DLGAP1: variants seen among roughly 807,000 people sequenced by gnomAD.
DLGAP1 encodes DLG associated protein 1, also known as disks large-associated protein 1.
In DLGAP1, 11 loss-of-function variants were observed where a neutral mutation model predicts 90.8. The ratio of observed to expected loss-of-function variants is 0.12; its 90% CI spans 0.08 to 0.20. The LOEUF is 0.20. Ranked by LOEUF, DLGAP1 falls within the 10% of genes least tolerant of loss-of-function variation. DLGAP1 has a pLI of 1.00. For missense variants in DLGAP1, 1,050 were observed against 1,333.8 expected, an observed-to-expected ratio of 0.79 and a Z score of 3.31; for synonymous variants, 558 against 540.7, an observed-to-expected ratio of 1.03 and a Z score of -0.44.
chr18:4,400,987 C>A (rs932681618), intron 1 of DLGAP1, among the ~76,000 whole-genome samples: 1 of 152,336 alleles, frequency 6.6e-6, no homozygotes, highest in South Asian at 2.1e-4. Context: ...CACAAGTCAA[C>A]TCTTCTCTTC....
intron 10 of DLGAP1, among the ~76,000 whole-genome samples, chr18:3,514,090 C>T (rs1276263205): frequency 6.7e-6 from 1 of 149,000 alleles, no homozygotes; most frequent in Non-Finnish European, 1.5e-5. Context: ...GGCAGACGTG[C>T]TCATTTCTCT....
intron 4 of DLGAP1, among the ~76,000 whole-genome samples, chr18:3,848,490 T>C (rs1256777246): frequency 2.0e-5 from 3 of 152,178 alleles, no homozygotes; most frequent in Non-Finnish European, 4.4e-5. Context: ...AGAACTCCCA[T>C]GTGAGAGTCA....
At chr18:3,740,521 A>ATT (rs780904914) in intron 6 of DLGAP1, among the ~76,000 whole-genome samples, 18 of 152,014 alleles carry the variant, frequency 1.2e-4, no homozygotes, top group East Asian at 3.9e-4. Context: ...GCAGTTCCTG[A>ATT]TTTTTTTCTT....
At chr18:4,001,684 T>C (rs7228506) in intron 3 of DLGAP1, among the ~76,000 whole-genome samples, 24,093 of 152,158 alleles carry the variant, frequency 0.16, 3,726 homozygotes, top group African/African-American at 0.4. Context: ...TCCTATCATC[T>C]ATTTCCTGCT....
At chr18:3,918,427 C>T (rs1306406869) in intron 3 of DLGAP1, among the ~76,000 whole-genome samples, 10 of 152,094 alleles carry the variant, frequency 6.6e-5, no homozygotes, top group South Asian at 2.1e-4. Flanking sequence ...CTGTGCTAGA[C>T]GTTTTCCAGG....
intron 5 of DLGAP1, among the ~76,000 whole-genome samples, chr18:3,744,442 G>A (rs190129587): frequency 3.0e-4 from 45 of 152,236 alleles, no homozygotes; most frequent in Admixed American, 1.9e-3. Flanking sequence ...AAGGCACTAA[G>A]TAAGTGCTAA....
intron 7 of DLGAP1, among the ~76,000 whole-genome samples, chr18:3,700,416 C>T (rs1340229003): frequency 1.3e-5 from 2 of 152,078 alleles, no homozygotes; most frequent in Admixed American, 6.5e-5. Context: ...TAAGGCAAAA[C>T]CCCACCCTGC....
At chr18:3,970,743 T>C (rs1290229036) in intron 3 of DLGAP1, among the ~76,000 whole-genome samples, 1 of 151,262 alleles carries the variant, frequency 6.6e-6, no homozygotes, top group Non-Finnish European at 1.5e-5. Context: ...CTAAATCATA[T>C]TAGAGATATC....
chr18:3,932,327 T>A (rs1292459737), intron 3 of DLGAP1, among the ~76,000 whole-genome samples: 1 of 152,140 alleles, frequency 6.6e-6, no homozygotes, highest in Admixed American at 6.5e-5. Flanking sequence ...AAAGTTCCCT[T>A]GAGCAATTTT....
intron 3 of DLGAP1, among the ~76,000 whole-genome samples, chr18:3,984,941 T>C (rs1212993460): frequency 6.6e-6 from 1 of 152,176 alleles, no homozygotes; most frequent in Non-Finnish European, 1.5e-5. Flanking sequence ...TATTGACCCA[T>C]CCCAACCATG....
chr18:3,663,579 A>G (rs2059764442), intron 7 of DLGAP1, among the ~76,000 whole-genome samples: 1 of 152,158 alleles, frequency 6.6e-6, no homozygotes, highest in African/African-American at 2.4e-5. Flanking sequence ...TATCTCTTGT[A>G]TAGGAACTGT....
At chr18:3,669,660 G>A (rs1031973982) in intron 7 of DLGAP1, among the ~76,000 whole-genome samples, 1 of 152,174 alleles carries the variant, frequency 6.6e-6, no homozygotes, top group African/African-American at 2.4e-5. Flanking sequence ...GCAGCGGGTG[G>A]CCCAACTCTA....
intron 1 of DLGAP1, among the ~76,000 whole-genome samples, chr18:4,350,498 T>G (rs2143970766): frequency 6.6e-6 from 1 of 152,256 alleles, no homozygotes. Flanking sequence ...ATTTCCAGAA[T>G]TTTTCATCTG....
At chr18:4,388,541 A>G (rs1331660876) in intron 1 of DLGAP1, among the ~76,000 whole-genome samples, 1 of 152,154 alleles carries the variant, frequency 6.6e-6, no homozygotes, top group Non-Finnish European at 1.5e-5. Flanking sequence ...GGACAATGGC[A>G]TTTAAGGAAT....
intron 1 of DLGAP1, among the ~76,000 whole-genome samples, chr18:4,168,466 G>A (rs944345088): frequency 2.3e-4 from 35 of 152,106 alleles, no homozygotes; most frequent in African/African-American, 7.5e-4. Context: ...CATTAAAAAT[G>A]TTGTACAGTC....
At chr18:3,913,564 A>T (rs914546989) in intron 3 of DLGAP1, among the ~76,000 whole-genome samples, 1 of 152,250 alleles carries the variant, frequency 6.6e-6, no homozygotes, top group Non-Finnish European at 1.5e-5. Flanking sequence ...CTAATACAAG[A>T]TCAGAGAGAA....
chr18:4,361,007 A>C (rs2081619526), intron 1 of DLGAP1, among the ~76,000 whole-genome samples: 1 of 152,192 alleles, frequency 6.6e-6, no homozygotes, highest in Admixed American at 6.5e-5. Context: ...AAAGAGTCAA[A>C]AGATGAGACA....
intron 3 of DLGAP1, among the ~76,000 whole-genome samples, chr18:3,959,115 C>A (rs540484232): frequency 6.6e-6 from 1 of 152,270 alleles, no homozygotes; most frequent in East Asian, 1.9e-4. Flanking sequence ...CACAGCTCTT[C>A]TTGTCAGTAT....
At chr18:3,521,255 T>G (rs928409950) in intron 10 of DLGAP1, among the ~76,000 whole-genome samples, 5 of 152,160 alleles carry the variant, frequency 3.3e-5, no homozygotes, top group African/African-American at 4.8e-5. Flanking sequence ...ATGTTATCCA[T>G]CCCTTGCCAA....
Sources: allele counts gnomAD v4.1 joint callset (sites outside exome capture counted in the v4.1 genomes callset), GRCh38; gene constraint gnomAD v4.1.1; transcripts MANE v1.5; gene names NCBI Gene and HGNC (gene_info 2026-07-23, HGNC 2026-07-21).